ERCC6L2: variants seen among roughly 807,000 people sequenced by gnomAD.
ERCC6L2 encodes the protein DNA excision repair protein ERCC-6-like 2.
In ERCC6L2, 77 loss-of-function variants were observed where a neutral mutation model predicts 132.0. The observed-to-expected ratio is 0.58, with a 90% CI of 0.49 to 0.71. ERCC6L2 has a LOEUF of 0.71. Ranked by LOEUF, ERCC6L2 falls within the 30% of genes least tolerant of loss-of-function variation. The pLI is 0.00. For synonymous variants in ERCC6L2, 583 were observed against 632.4 expected (o/e 0.92, Z 1.17); for missense variants, 1,542 against 1,837.6 (o/e 0.84, Z 2.94).
chr9:95,902,660 C>T (rs887852878), intron 3 of ERCC6L2, among the ~76,000 whole-genome samples: 1 of 151,960 alleles, frequency 6.6e-6, no homozygotes, highest in Non-Finnish European at 1.5e-5. Context: ...ACCCCATATC[C>T]CCACGAGTGA....
Position 95,875,961 on chromosome 9 carries a change from G to T in ERCC6L2, c.-78G>T. The T allele has an allele frequency of 2.0e-6, 3 of 1,503,452 alleles. No homozygotes were observed. Among genetic ancestry groups the T allele is most frequent in the Non-Finnish European group, 2.7e-6 (3 of 1,111,776 alleles). 93.1% of individuals were successfully genotyped at this position (1,503,452 alleles called of 1,614,324 possible). A position where few individuals can be genotyped will look rare whatever the true frequency, so the allele number is the denominator to read the frequency against. On this transcript the variant is annotated 5_prime_UTR_variant, in exon 1 of 19. Coordinates refer to ENST00000653738, the MANE Select transcript of ERCC6L2 (RefSeq NM_020207.7). ...AAGTGGCGTTGGCCGCCATTGGCCT[G>T]CCGGCCAGCCACCTTGCTGTCCTCC...
chr9:96,005,944 C>G (rs1833848810), intron 18 of ERCC6L2, among the ~76,000 whole-genome samples: 1 of 152,106 alleles, frequency 6.6e-6, no homozygotes, highest in Non-Finnish European at 1.5e-5. Flanking sequence ...AGAAAGAGAA[C>G]AAGATTACTT....
At chr9:95,990,900 TG>T (rs1833274618) in intron 17 of ERCC6L2, among the ~76,000 whole-genome samples, 1 of 152,182 alleles carries the variant, frequency 6.6e-6, no homozygotes, top group Admixed American at 6.5e-5. Flanking sequence ...GTGATGCATG[TG>T]GAAGACTTTA....
At chr9:95,907,859 C>CACAAA (rs1564212414) in intron 4 of ERCC6L2, among the ~76,000 whole-genome samples, 1 of 112,722 alleles carries the variant, frequency 8.9e-6, no homozygotes, top group African/African-American at 4.4e-5. Context: ...ACACACACCC[C>CACAAA]CACACCCACA....
At chr9:95,997,347 C>G (rs1387156508) in intron 17 of ERCC6L2, among the ~76,000 whole-genome samples, 1 of 152,168 alleles carries the variant, frequency 6.6e-6, no homozygotes, top group Non-Finnish European at 1.5e-5. Context: ...AGCAAGAGAA[C>G]TAGAATTAGA....
Position 95,881,100 on chromosome 9 carries a change from A to G in ERCC6L2, c.278A>G (p.Tyr93Cys). Reference protein sequence around the residue: ...IFDDEDLEKPYFPNRKFPSSS... With the variant: ...IFDDEDLEKPCFPNRKFPSSS... The stretch of plus-strand genomic sequence containing the variant: ...GATGATGAAGATTTAGAAAAACCTT[A>G]TTTCCCAAACCGAAAATTTCCATCA... Residue 93 changes from tyrosine to cysteine, a missense_variant, in exon 2 of 19, where the codon TAT becomes TGT. Tyr to Cys is a radical substitution (Grantham distance 194, BLOSUM62 -2). This residue lies in a region of ERCC6L2 where 153 missense variants were observed against 132.3 expected (regional missense o/e 1.16). Coordinates refer to ENST00000653738, the MANE Select transcript of ERCC6L2 (RefSeq NM_020207.7). 6.2e-7 allele frequency: 1 copy of G among 1,613,312 alleles called. No homozygotes were observed. Among genetic ancestry groups the G allele is most frequent in the Non-Finnish European group, 8.5e-7 (1 of 1,179,782 alleles).
chr9:95,926,373 C>T (rs1830100311), intron 9 of ERCC6L2, among the ~76,000 whole-genome samples: 1 of 152,072 alleles, frequency 6.6e-6, no homozygotes, highest in African/African-American at 2.4e-5. Context: ...TTGGAAACAA[C>T]TAAGATGTCC....
chr9:95,897,767 A>G, intron 2 of ERCC6L2, 82 bp from the exon 3 acceptor site: 2 of 1,350,740 alleles, frequency 1.5e-6, no homozygotes, highest in South Asian at 1.3e-5. Flanking sequence ...CTTTGTCACT[A>G]ATTGAATAGT....
downstream of ERCC6L2, chr9:96,021,019 G>C (rs1290014479): frequency 2.2e-6 from 1 of 455,450 alleles, no homozygotes; most frequent in African/African-American, 2.0e-5. This position sits in a 1 kb window ranked among gnomAD's most constrained non-coding sequence, Gnocchi z 4.7. Flanking sequence ...CCTCAGTGTC[G>C]GGGGCTCGCA....
chr9:96,026,706 ACACACACCC>A (rs1233112881), intron 19 of ERCC6L2, among the ~76,000 whole-genome samples: 2 of 145,448 alleles, frequency 1.4e-5, no homozygotes, highest in African/African-American at 5.2e-5. Flanking sequence ...CACAAACGCC[ACACACACCC>A]CACACACCAA....
At chr9:95,998,847 C>T (rs1450841512) in intron 17 of ERCC6L2, among the ~76,000 whole-genome samples, 1 of 152,224 alleles carries the variant, frequency 6.6e-6, no homozygotes, top group Non-Finnish European at 1.5e-5. Context: ...ATCCAGTACA[C>T]TGCCCCCAAC....
At chr9:96,035,055 C>G (rs1224825752) in intron 19 of ERCC6L2, among the ~76,000 whole-genome samples, 1 of 152,182 alleles carries the variant, frequency 6.6e-6, no homozygotes, top group Non-Finnish European at 1.5e-5. Flanking sequence ...CTCCCCATCT[C>G]CTCTACCACA....
chr9:95,879,258 A>C (rs1198005829), intron 1 of ERCC6L2, among the ~76,000 whole-genome samples: 1 of 152,242 alleles, frequency 6.6e-6, no homozygotes. Context: ...AGATGATGCC[A>C]GTTAATAAGA....
chr9:96,000,481 A>G (rs961203223), intron 17 of ERCC6L2, among the ~76,000 whole-genome samples: 5 of 152,204 alleles, frequency 3.3e-5, no homozygotes, highest in African/African-American at 1.2e-4. Context: ...TAAATCCCTT[A>G]AGGGTAGGGG....
At chr9:95,918,827 G>C (rs1326573056) in intron 6 of ERCC6L2, 2 of 155,732 alleles carry the variant, frequency 1.3e-5, no homozygotes, top group Non-Finnish European at 2.8e-5. Context: ...TCCTGCTGTT[G>C]TGAAGTAACA....
chr9:95,928,221 C>A, intron 10 of ERCC6L2, 71 bp downstream of exon 10: 2 of 992,250 alleles, frequency 2.0e-6, no homozygotes, highest in Non-Finnish European at 3.1e-6. Flanking sequence ...AAAGCATATG[C>A]CTACATGACA....
downstream of ERCC6L2, chr9:96,019,785 TC>T (rs1834252756): frequency 6.6e-6 from 1 of 152,154 alleles, no homozygotes; most frequent in Admixed American, 6.5e-5. Context: ...TGGGGAGGCC[TC>T]AGGAAGCTTA....
chr9:96,004,422 A>G (rs1833792733), intron 17 of ERCC6L2, 98 bp from the exon 18 acceptor site: 2 of 587,482 alleles, frequency 3.4e-6, no homozygotes, highest in Non-Finnish European at 2.7e-6. Context: ...GATTTACTTC[A>G]TTATAAAGAG....
rs370249357 is a variant in ERCC6L2, at chr9:95,881,209, A to C, written c.387A>C (p.Glu129Asp). 1 of 1,607,476 alleles carries C rather than the reference A, an allele frequency of 6.2e-7. No individual in the cohort carries two copies. The highest frequency in any genetic ancestry group is 2.2e-5 in the East Asian group (1 of 44,844). Reference protein sequence around the residue: ...INRYLRDYQREGTRFLYGHYI... With the variant: ...INRYLRDYQRDGTRFLYGHYI... ...GGTATTTGAGAGACTACCAAAGAGAAGGAACCCGGTTTCTTTATGGACACT... is the reference window on the plus strand; with the variant it reads ...GGTATTTGAGAGACTACCAAAGAGACGGAACCCGGTTTCTTTATGGACACT... Residue 129 changes from glutamate (E) to aspartate (D), a missense_variant, in exon 2 of 19, where the codon GAA becomes GAC. This residue lies in a region of ERCC6L2 where 945 missense variants were observed against 1,105.2 expected (regional missense o/e 0.86). Transcript: ENST00000653738.
Sources: allele counts gnomAD v4.1 joint callset (sites outside exome capture counted in the v4.1 genomes callset), GRCh38; gene constraint gnomAD v4.1.1; regional missense constraint gnomAD v4.1.1; non-coding constraint Gnocchi (gnomAD v3.1); transcripts MANE v1.5; gene names NCBI Gene and HGNC (gene_info 2026-07-23, HGNC 2026-07-21).